CDC42SE2: variants seen among roughly 807,000 people sequenced by gnomAD.
CDC42SE2 encodes the protein CDC42 small effector protein 2.
Under a neutral mutation model 11.5 loss-of-function variants are expected in CDC42SE2, and 3 were observed. The observed-to-expected ratio is 0.26, with a 90% CI of 0.12 to 0.67. The LOEUF (loss-of-function observed/expected upper bound fraction) is 0.67. CDC42SE2 is among the 30% of genes least tolerant of loss of function. The pLI is 0.80. For missense variants in CDC42SE2, 82 were observed against 106.8 expected, an observed-to-expected ratio of 0.77 and a Z score of 1.02; for synonymous variants, 33 against 34.8, an observed-to-expected ratio of 0.95 and a Z score of 0.18.
intron 3 of CDC42SE2, among the ~76,000 whole-genome samples, chr5:131,375,105 A>G (rs1338409716): frequency 6.6e-6 from 1 of 151,190 alleles, no homozygotes; most frequent in Non-Finnish European, 1.5e-5. Flanking sequence ...ACCAGATACT[A>G]ATTTTAAATA....
At chr5:131,354,107 G>T (rs185933550) in intron 2 of CDC42SE2, among the ~76,000 whole-genome samples, 4 of 151,978 alleles carry the variant, frequency 2.6e-5, no homozygotes, top group Non-Finnish European at 1.5e-5. Flanking sequence ...GGACATGATG[G>T]CACACACCCG....
At chr5:131,215,973 C>T in the CDC42SE2 span, among the ~76,000 whole-genome samples, 1 of 152,172 alleles carries the variant, frequency 6.6e-6, no homozygotes, top group Non-Finnish European at 1.5e-5. Context: ...AAGTAGAAAA[C>T]TCTCAGCAAA....
At chr5:131,268,577 C>T (rs193293510) in intron 1 of CDC42SE2, among the ~76,000 whole-genome samples, 146 of 151,614 alleles carry the variant, frequency 9.6e-4, no homozygotes, top group Admixed American at 3.3e-3. Flanking sequence ...CTCAGCCTCC[C>T]GAGTAGCTGG....
chr5:131,263,057 A>C (rs1389424826), upstream of CDC42SE2, among the ~76,000 whole-genome samples: 9 of 151,282 alleles, frequency 5.9e-5, no homozygotes, highest in Admixed American at 2.0e-4. Context: ...CTCAGCCTCC[A>C]GAGTACCTGG....
chr5:131,375,846 T>A (rs1750135495), intron 3 of CDC42SE2, among the ~76,000 whole-genome samples: 1 of 152,182 alleles, frequency 6.6e-6, no homozygotes, highest in South Asian at 2.1e-4. Context: ...TCTTAGAAAC[T>A]AGACTTCCAC....
intron 1 of CDC42SE2, among the ~76,000 whole-genome samples, chr5:131,246,150 C>T (rs975361736): frequency 6.6e-6 from 1 of 152,144 alleles, no homozygotes; most frequent in Admixed American, 6.6e-5. Flanking sequence ...TTATTGACTT[C>T]TAGTCAGGGC....
intron 1 of CDC42SE2, among the ~76,000 whole-genome samples, chr5:131,299,569 G>A (rs1757638741): frequency 6.6e-6 from 1 of 152,204 alleles, no homozygotes; most frequent in Non-Finnish European, 1.5e-5. Context: ...AAGCAGAGTT[G>A]AGTTAAGAAG....
At chr5:131,292,934 A>C (rs950973271) in intron 1 of CDC42SE2, among the ~76,000 whole-genome samples, 12 of 137,688 alleles carry the variant, frequency 8.7e-5, no homozygotes, top group Admixed American at 1.5e-4. Context: ...AAAAAAAAAA[A>C]CAGAAACAAA....
chr5:131,276,641 A>ATG (rs1757107782), intron 1 of CDC42SE2, among the ~76,000 whole-genome samples: 1 of 152,038 alleles, frequency 6.6e-6, no homozygotes, highest in Non-Finnish European at 1.5e-5. Context: ...TATCGCCACA[A>ATG]TGTGTGTGTG....
At chr5:131,309,103 C>A (rs1368697101) in intron 1 of CDC42SE2, among the ~76,000 whole-genome samples, 4 of 151,966 alleles carry the variant, frequency 2.6e-5, no homozygotes, top group Non-Finnish European at 5.9e-5. Context: ...AGCTCTTATT[C>A]TTTTGAAATA....
intron 1 of CDC42SE2, among the ~76,000 whole-genome samples, chr5:131,281,430 A>G (rs915291376): frequency 6.6e-6 from 1 of 152,200 alleles, no homozygotes; most frequent in Non-Finnish European, 1.5e-5. Flanking sequence ...TTTTATCTAC[A>G]TTACATGTTT....
At chr5:131,223,285 A>G in the CDC42SE2 span, among the ~76,000 whole-genome samples, 1,357 of 152,212 alleles carry the variant, frequency 8.9e-3, 18 homozygotes, top group African/African-American at 0.032. Context: ...GCTTTCCCCT[A>G]AAAATACCTG....
At chr5:131,365,056 G>A (rs897971690) in intron 3 of CDC42SE2, among the ~76,000 whole-genome samples, 2 of 152,102 alleles carry the variant, frequency 1.3e-5, no homozygotes, top group Non-Finnish European at 2.9e-5. Flanking sequence ...TTGGGAGGCC[G>A]AGGCGGGCTG....
intron 1 of CDC42SE2, among the ~76,000 whole-genome samples, chr5:131,247,658 T>A (rs1481213800): frequency 6.6e-6 from 1 of 152,132 alleles, no homozygotes; most frequent in Non-Finnish European, 1.5e-5. Flanking sequence ...TTTATTTATT[T>A]GTATAGATAG....
the CDC42SE2 span, among the ~76,000 whole-genome samples, chr5:131,218,419 A>G: frequency 6.6e-6 from 1 of 152,172 alleles, no homozygotes; most frequent in Non-Finnish European, 1.5e-5. Flanking sequence ...AGCACTTGGA[A>G]TTTTCACATG....
rs146305914 is a variant in CDC42SE2 at position 131,304,422 on chromosome 5, G to A, written c.-454-11554G>A. 7.3e-3 allele frequency among the ~76,000 whole-genome samples: 1,109 copies of A among 152,280 alleles called. 15 individuals carry two copies. Among genetic ancestry groups the A allele is most frequent in the African/African-American group, 0.026 (1,065 of 41,538 alleles). ...AAGCACCAAGGCATACCAGTGCTTA[G>A]CAGTTAGATTGGATCTGTTTTCATG... is the stretch of plus-strand genomic sequence containing the variant. On this transcript the variant is annotated intron_variant, in intron 1 of 4. Coordinates refer to ENST00000505065, the MANE Select transcript of CDC42SE2 (RefSeq NM_001375635.1).
At chr5:131,214,955 A>G in the CDC42SE2 span, among the ~76,000 whole-genome samples, 1 of 152,236 alleles carries the variant, frequency 6.6e-6, no homozygotes, top group Non-Finnish European at 1.5e-5. Flanking sequence ...TTCCATAATT[A>G]GCTCAAATTG....
chr5:131,368,341 CTCTAGATTCTGTTTG>C (rs1459505090), intron 3 of CDC42SE2, among the ~76,000 whole-genome samples: 1 of 151,754 alleles, frequency 6.6e-6, no homozygotes, highest in East Asian at 1.9e-4. Context: ...ATGAGTCAGA[CTCTAGATTCTGTTTG>C]ACCATTTGTT....
chr5:131,362,781 C>T lies in CDC42SE2; in HGVS notation c.54+3234C>T, dbSNP rs798412. On this transcript the variant is annotated intron_variant, in intron 3 of 4. Coordinates refer to ENST00000505065, the MANE Select transcript of CDC42SE2 (RefSeq NM_001375635.1). ...TAGTAACTTAGTAATGCTGTAGTTG[C>T]TGTTGCTAGATATAGCTAAGGTTGT... 2.6e-5 allele frequency among the ~76,000 whole-genome samples: 4 copies of T among 152,082 alleles called. No homozygotes were observed. The East Asian group carries it at 7.7e-4, about 29-fold the overall frequency.
Sources: gnomAD v4.1 joint callset for allele counts (sites outside exome capture counted in the v4.1 genomes callset) on GRCh38, gnomAD v4.1.1 for gene constraint, MANE v1.5 for transcripts, NCBI Gene and HGNC (gene_info 2026-07-23, HGNC 2026-07-21) for gene names.